CIAPIN1: variants seen among roughly 807,000 people sequenced by gnomAD.
The protein encoded by CIAPIN1 is cytokine induced apoptosis inhibitor 1.
A neutral mutation model predicts 34.3 loss-of-function variants in CIAPIN1; 18 were observed. That is an observed-to-expected ratio of 0.52 (90% confidence interval 0.36 to 0.78). The LOEUF (loss-of-function observed/expected upper bound fraction) is 0.78. Among genes scored for constraint, CIAPIN1 ranks in the 30% least tolerant of loss-of-function variants. The pLI, the probability that CIAPIN1 is intolerant of heterozygous loss-of-function variation, is 0.00. For missense variants in CIAPIN1, 310 were observed against 372.5 expected (o/e 0.83, Z 1.38); for synonymous variants, 131 against 140.4 (o/e 0.93, Z 0.47).
chr16:57,441,046 C>T (rs1272169564), intron 1 of CIAPIN1, 63 bp from the exon 2 acceptor site: 16 of 1,141,932 alleles, frequency 1.4e-5, no homozygotes, highest in Non-Finnish European at 1.6e-5. Flanking sequence ...AGAATCCCAA[C>T]CTAACTTGTA....
chr16:57,434,714 T>C (rs1903161663), intron 4 of CIAPIN1, among the ~76,000 whole-genome samples: 1 of 152,232 alleles, frequency 6.6e-6, no homozygotes, highest in African/African-American at 2.4e-5. Flanking sequence ...AGTCCATCTA[T>C]TGTATGGAAT....
In CIAPIN1 at chr16:57,447,365, C is replaced by G; in HGVS notation, c.-79G>C. On this transcript the variant is annotated 5_prime_UTR_variant, in exon 1 of 9. Coordinates refer to ENST00000394391, the MANE Select transcript of CIAPIN1 (RefSeq NM_020313.4). ...ACCTGCCGCCTGGGCTCGCTCCCGG[C>G]TTCTCTCCAGCCGTCGACTCCACGC... 5.0e-6 allele frequency: 4 copies of G among 799,034 alleles called. No homozygotes were observed. The highest frequency in any genetic ancestry group is 6.8e-6 in the Non-Finnish European group (4 of 591,684). 49.5% of individuals were successfully genotyped at this position (799,034 alleles called of 1,614,324 possible).
rs191597700 is a variant in CIAPIN1 at position 57,439,250 on chromosome 16, G to A, written c.242C>T (p.Ala81Val). 4 of 1,614,196 alleles carry A rather than the reference G, an allele frequency of 2.5e-6. No individual in the cohort carries two copies. The East Asian group carries it at 8.9e-5, about 36-fold the overall frequency. ...STTLHSAEIL[A>V]EIARILRPGG... ...AGGCCGAAGGATCCGGGCGATTTCA[G>A]CCAAAATCTCAGCACTGTGCAGAGT... The change falls in exon 3 of 9, where the codon GCT becomes GTT. Residue 81 changes from alanine (A) to valine (V), a missense_variant. Physicochemically the swap from Ala to Val is moderately conservative, Grantham distance 64 (BLOSUM62 0). Coordinates refer to ENST00000394391, the MANE Select transcript of CIAPIN1 (RefSeq NM_020313.4).
chr16:57,441,090 A>T, intron 1 of CIAPIN1, 107 bp from the exon 2 acceptor site: 3 of 641,232 alleles, frequency 4.7e-6, no homozygotes, highest in Non-Finnish European at 5.2e-6. Flanking sequence ...AACATTAGAA[A>T]CTCTACTGTA....
At chr16:57,444,316 G>A (rs1195058872) in intron 1 of CIAPIN1, among the ~76,000 whole-genome samples, 2 of 152,210 alleles carry the variant, frequency 1.3e-5, no homozygotes, top group South Asian at 2.1e-4. Flanking sequence ...CAAATGAGAA[G>A]ATAAAAATAA....
intron 3 of CIAPIN1, among the ~76,000 whole-genome samples, chr16:57,438,523 G>C (rs1272906598): frequency 6.6e-6 from 1 of 152,194 alleles, no homozygotes; most frequent in Non-Finnish European, 1.5e-5. Context: ...CCGGGAAATT[G>C]ATATTGATGG....
intron 3 of CIAPIN1, 129 bp from the exon 4 acceptor site, chr16:57,436,861 G>T: frequency 3.8e-6 from 2 of 523,616 alleles, no homozygotes; most frequent in Non-Finnish European, 3.3e-6. Flanking sequence ...GCTCATGTCT[G>T]TAATCCCAGC....
At chr16:57,447,092 C>G (rs1225417642) in intron 1 of CIAPIN1, among the ~76,000 whole-genome samples, 1 of 152,198 alleles carries the variant, frequency 6.6e-6, no homozygotes, top group Non-Finnish European at 1.5e-5. Context: ...GCCGGCTGCG[C>G]AAGGGACGAG....
chr16:57,446,104 C>T (rs977138813), intron 1 of CIAPIN1, among the ~76,000 whole-genome samples: 2 of 152,106 alleles, frequency 1.3e-5, no homozygotes, highest in East Asian at 3.9e-4. Flanking sequence ...CCGCAGCCTC[C>T]CAAAGTGCTG....
At chr16:57,434,732 C>T (rs901519255) in intron 4 of CIAPIN1, among the ~76,000 whole-genome samples, 5 of 152,094 alleles carry the variant, frequency 3.3e-5, no homozygotes, top group Non-Finnish European at 7.4e-5. Flanking sequence ...AATACTATTA[C>T]ATCATTAATA....
At chr16:57,435,924 G>A (rs545436597) in intron 4 of CIAPIN1, among the ~76,000 whole-genome samples, 1 of 152,366 alleles carries the variant, frequency 6.6e-6, no homozygotes, top group East Asian at 1.9e-4. Flanking sequence ...ATCAAAGAGT[G>A]TAGAAATATA....
intron 4 of CIAPIN1, among the ~76,000 whole-genome samples, chr16:57,435,097 C>T (rs1461288647): frequency 6.6e-6 from 1 of 152,168 alleles, no homozygotes; most frequent in African/African-American, 2.4e-5. Flanking sequence ...TGAGAGGTGA[C>T]TGGATCATGG....
At chr16:57,442,002 C>T (rs1184776137) in intron 1 of CIAPIN1, among the ~76,000 whole-genome samples, 1 of 152,212 alleles carries the variant, frequency 6.6e-6, no homozygotes, top group African/African-American at 2.4e-5. Flanking sequence ...CATGCCACCA[C>T]AGATACAGAC....
chr16:57,445,845 T>G (rs1181105064), intron 1 of CIAPIN1, among the ~76,000 whole-genome samples: 20 of 132,696 alleles, frequency 1.5e-4, no homozygotes, highest in African/African-American at 2.8e-4. Context: ...TTTTTTTTTT[T>G]TTTTTTTTTT....
chr16:57,430,188 T>A lies in CIAPIN1; in HGVS notation c.828+70A>T, dbSNP rs147929946. On this transcript the variant is annotated intron_variant, in intron 8 of 8. Transcript: ENST00000394391. The stretch of plus-strand genomic sequence containing the variant: ...AAATATTTGAGGTGGAGCTTGTCTG[T>A]GTTTAGTTTAGAAGAAGGTCTAATC... 2.0e-5 allele frequency: 25 copies of A among 1,278,932 alleles called. No individual in the cohort carries two copies. In the African/African-American group the frequency reaches 3.2e-4, roughly 17 times the overall value. The allele number at this position is 1,278,932 out of a possible 1,614,324, so 79.2% of individuals were successfully genotyped here. A position where few individuals can be genotyped will look rare whatever the true frequency, so the allele number is the denominator to read the frequency against.
chr16:57,430,999 ATTTT>A, intron 7 of CIAPIN1, 148 bp downstream of exon 7: 1 of 420,826 alleles, frequency 2.4e-6, no homozygotes, highest in African/African-American at 2.1e-5. Context: ...TGCCTGGCTA[ATTTT>A]TTTTTTTTTT....
chr16:57,430,310 T>C lies in CIAPIN1; in HGVS notation c.776A>G (p.Lys259Arg), dbSNP rs1412064443. The change falls in exon 8 of 9, where the codon AAA becomes AGA. Residue 259 changes from lysine (K) to arginine (R), a missense_variant. Lys to Arg is a conservative substitution (Grantham distance 26, BLOSUM62 2). Transcript: ENST00000394391. ...CTCGLAEELE[K>R]EKSREQMSSQ... ...GCTCATCTGTTCCCTTGACTTCTCT[T>C]TTTCCAGTTCTTCGGCAAGGCCACA... The C allele has an allele frequency of 6.2e-7, 1 of 1,614,094 alleles. No individual in the cohort carries two copies. The highest frequency in any genetic ancestry group is 8.5e-7 in the Non-Finnish European group (1 of 1,180,038).
chr16:57,443,073 A>G (rs2029907753), intron 1 of CIAPIN1, among the ~76,000 whole-genome samples: 2 of 151,524 alleles, frequency 1.3e-5, no homozygotes, highest in Admixed American at 6.6e-5. Flanking sequence ...ACAGAGGGCA[A>G]GTAAAAATGG....
At chr16:57,437,101 T>C (rs1255043884) in intron 3 of CIAPIN1, among the ~76,000 whole-genome samples, 1 of 152,124 alleles carries the variant, frequency 6.6e-6, no homozygotes, top group South Asian at 2.1e-4. Context: ...CACTCTTGCC[T>C]GCACAACAGA....
Sources: gnomAD v4.1 joint callset for allele counts (sites outside exome capture counted in the v4.1 genomes callset) on GRCh38, gnomAD v4.1.1 for gene constraint, MANE v1.5 for transcripts, NCBI Gene and HGNC (gene_info 2026-07-23, HGNC 2026-07-21) for gene names.